The following LRP1B variants were observed in gnomAD, a reference collection of about 807,000 sequenced individuals.
LRP1B encodes the protein LDL receptor related protein 1B, also known as low-density lipoprotein receptor-related protein 1B.
In LRP1B, 217 loss-of-function variants were observed where a neutral mutation model predicts 556.6. The observed-to-expected ratio is 0.39, with a 90% CI of 0.35 to 0.44. The LOEUF (loss-of-function observed/expected upper bound fraction) is 0.44. LRP1B is among the 20% of genes least tolerant of loss of function. The pLI is 1.00. For missense variants in LRP1B, 5,053 were observed against 5,620.8 expected (o/e 0.90, Z 3.23); for synonymous variants, 2,047 against 1,865.8 (o/e 1.10, Z -2.50).
chr2:140,989,681 TTAA>T, intron 16 of LRP1B, 24 bp from the exon 17 acceptor site: 1 of 1,608,580 alleles, frequency 6.2e-7, no homozygotes, highest in Non-Finnish European at 8.5e-7. Flanking sequence ...GGAAGCAAGA[TTAA>T]TTATTTAAAA....
intron 1 of LRP1B, among the ~76,000 whole-genome samples, chr2:142,127,616 A>T (rs967881322): frequency 1.3e-5 from 2 of 152,136 alleles, no homozygotes; most frequent in Middle Eastern, 3.4e-3. Flanking sequence ...CAACCTCTTC[A>T]AAACAAAACT....
chr2:141,413,686 C>A (rs911286895), intron 3 of LRP1B, among the ~76,000 whole-genome samples: 6 of 151,956 alleles, frequency 3.9e-5, no homozygotes, highest in African/African-American at 9.7e-5. Context: ...GAGAGGCAGG[C>A]AAACTCCCAG....
chr2:140,333,755 TGAA>T (rs1680936365), intron 79 of LRP1B, among the ~76,000 whole-genome samples: 1 of 152,050 alleles, frequency 6.6e-6, no homozygotes, highest in Non-Finnish European at 1.5e-5. Flanking sequence ...AATGTTTTAC[TGAA>T]GAAGTGCCAA....
chr2:141,055,589 C>T (rs1267700787), intron 9 of LRP1B, among the ~76,000 whole-genome samples: 2 of 151,582 alleles, frequency 1.3e-5, no homozygotes, highest in African/African-American at 4.8e-5. Flanking sequence ...TTTAAAAATA[C>T]CAATTTCTAA....
At position 140,700,318 on chromosome 2, in the gene LRP1B, C is replaced by T. The variant is rs2105419974; in HGVS notation, c.6731G>A (p.Ser2244Asn). 6.2e-7 allele frequency: 1 copy of T among 1,612,648 alleles called. No individual in the cohort carries two copies. The highest frequency in any genetic ancestry group is 1.1e-5 in the South Asian group (1 of 90,998). ...CTGTATATTTCCAAAGTGTGCATCA[C>T]TGTAAAAGATTCGGTTGGTACCTTT... ...RRKGTNRIFY[S>N]DAHFGNIQLI... is the part of the protein sequence containing the mutation. The change falls in exon 41 of 91, where the codon AGT (serine) becomes AAT (asparagine). Residue 2244 changes from serine (S) to asparagine (N), a missense_variant. Ser to Asn is a conservative substitution (Grantham distance 46, BLOSUM62 1). Around this residue, in one of 5 missense-constraint regions of LRP1B, gnomAD observed 3,619 missense variants for 3,931.9 expected, o/e 0.92. Coordinates refer to ENST00000389484, the MANE Select transcript of LRP1B (RefSeq NM_018557.3).
intron 82 of LRP1B, among the ~76,000 whole-genome samples, chr2:140,315,733 A>T (rs1397859304): frequency 6.6e-6 from 1 of 152,208 alleles, no homozygotes; most frequent in Non-Finnish European, 1.5e-5. Flanking sequence ...TAAATTTGTA[A>T]GATACATTTA....
intron 1 of LRP1B, among the ~76,000 whole-genome samples, chr2:142,113,064 A>G (rs1375605): frequency 0.88 from 133,960 of 152,030 alleles, 59,130 homozygotes; most frequent in East Asian, 0.94. Flanking sequence ...ATATCTTGGT[A>G]AGGTGGGAGG....
chr2:141,024,079 G>A (rs1375839134), intron 11 of LRP1B, among the ~76,000 whole-genome samples: 1 of 151,860 alleles, frequency 6.6e-6, no homozygotes, highest in Non-Finnish European at 1.5e-5. Flanking sequence ...TATTCTCTTT[G>A]TACATTTCAA....
chr2:141,842,531 T>C (rs1697510481), intron 1 of LRP1B, among the ~76,000 whole-genome samples: 1 of 152,132 alleles, frequency 6.6e-6, no homozygotes, highest in East Asian at 1.9e-4. Context: ...TTGGATTTAA[T>C]GTATTATACA....
At position 141,815,961 on chromosome 2, in the gene LRP1B, C is replaced by T. The variant is rs181439783; in HGVS notation, c.83-5560G>A. On this transcript the variant is annotated intron_variant, in intron 1 of 90. Transcript: ENST00000389484. ...TAAAGGTTTAGAATGATTGCTGTAG[C>T]GTTAGGAAAGGAATCAACTAAGAAT... 2.3e-3 allele frequency among the ~76,000 whole-genome samples: 349 copies of T among 152,162 alleles called. 1 individual carries two copies. The highest frequency in any genetic ancestry group is 8.2e-3 in the African/African-American group (340 of 41,492).
At chr2:141,621,690 A>G (rs554923310) in intron 2 of LRP1B, among the ~76,000 whole-genome samples, 1 of 152,294 alleles carries the variant, frequency 6.6e-6, no homozygotes, top group South Asian at 2.1e-4. Context: ...GGGGAGGCAG[A>G]AAATGAAATA....
At chr2:140,687,611 T>C (rs1316824015) in intron 41 of LRP1B, among the ~76,000 whole-genome samples, 1 of 151,638 alleles carries the variant, frequency 6.6e-6, no homozygotes, top group Non-Finnish European at 1.5e-5. Context: ...AATATACTCT[T>C]TCTCTCTCTC....
chr2:140,696,780 G>A (rs1276331538), intron 41 of LRP1B, among the ~76,000 whole-genome samples: 1 of 152,088 alleles, frequency 6.6e-6, no homozygotes, highest in African/African-American at 2.4e-5. Flanking sequence ...GATCTGAGGT[G>A]GAACAGTTTC....
chr2:141,678,662 A>G (rs1436227564), intron 2 of LRP1B, among the ~76,000 whole-genome samples: 19 of 152,344 alleles, frequency 1.2e-4, no homozygotes, highest in Non-Finnish European at 2.6e-4. Flanking sequence ...CACTCAAAGA[A>G]TATCTACATA....
chr2:141,174,509 C>T (rs773257570), intron 7 of LRP1B, among the ~76,000 whole-genome samples: 4 of 152,180 alleles, frequency 2.6e-5, no homozygotes, highest in East Asian at 1.9e-4. Context: ...ACACTTTCCC[C>T]GTTTTTCTCT....
intron 25 of LRP1B, among the ~76,000 whole-genome samples, chr2:140,880,730 A>G (rs936405091): frequency 3.3e-5 from 5 of 152,162 alleles, no homozygotes; most frequent in Admixed American, 1.3e-4. Flanking sequence ...AAAAGTGGCT[A>G]GTTGCAAACC....
intron 49 of LRP1B, among the ~76,000 whole-genome samples, chr2:140,518,686 T>C (rs1690022263): frequency 1.3e-5 from 2 of 152,182 alleles, no homozygotes; most frequent in Admixed American, 6.5e-5. Context: ...TTTTATTCTC[T>C]TTGTAACAAC....
chr2:141,190,771 A>G (rs764432603), intron 6 of LRP1B, among the ~76,000 whole-genome samples: 3 of 151,982 alleles, frequency 2.0e-5, no homozygotes, highest in Non-Finnish European at 2.9e-5. Context: ...GAATGAATCT[A>G]TGATTCACTG....
chr2:141,037,127 C>G (rs1039138165), intron 11 of LRP1B, among the ~76,000 whole-genome samples: 4 of 151,830 alleles, frequency 2.6e-5, no homozygotes, highest in Non-Finnish European at 4.4e-5. Flanking sequence ...TCCAGTAAGG[C>G]TGACATGCAG....
Sources: gnomAD v4.1 joint callset for allele counts (sites outside exome capture counted in the v4.1 genomes callset) on GRCh38, gnomAD v4.1.1 for gene constraint, gnomAD v4.1.1 regional missense constraint, MANE v1.5 for transcripts, NCBI Gene and HGNC (gene_info 2026-07-23, HGNC 2026-07-21) for gene names.